Variants in MALRD1 observed in about 807,000 individuals in gnomAD.
MALRD1 encodes the protein MAM and LDL-receptor class A domain-containing protein 1.
MALRD1 carries 247 observed loss-of-function variants against 242.1 expected under a neutral mutation model. That is an observed-to-expected ratio of 1.02 (90% CI 0.92 to 1.13). MALRD1 has a LOEUF of 1.13. MALRD1 is among the 50% of genes most tolerant of loss of function. MALRD1 has a pLI of 0.00. For missense variants in MALRD1, 2,989 were observed against 2,533.1 expected (o/e 1.18, Z -3.86); for synonymous variants, 995 against 866.6 (o/e 1.15, Z -2.60).
intron 29 of MALRD1, among the ~76,000 whole-genome samples, chr10:19,458,786 A>C (rs1217667577): frequency 6.6e-6 from 1 of 152,106 alleles, no homozygotes; most frequent in African/African-American, 2.4e-5. Context: ...TTGCATGTTA[A>C]AAGGGGCCTT....
At chr10:19,151,539 T>G (rs1833943513) in intron 11 of MALRD1, among the ~76,000 whole-genome samples, 1 of 152,130 alleles carries the variant, frequency 6.6e-6, no homozygotes. Flanking sequence ...TTGTTTTATG[T>G]ACTGGACAGA....
At chr10:19,616,136 T>G in intron 36 of MALRD1, among the ~76,000 whole-genome samples, 1 of 152,020 alleles carries the variant, frequency 6.6e-6, no homozygotes, top group East Asian at 1.9e-4. Context: ...ATTGTGCATG[T>G]TTTTCAACAT....
At chr10:19,225,660 G>T (rs1055767341) in intron 18 of MALRD1, among the ~76,000 whole-genome samples, 1 of 151,970 alleles carries the variant, frequency 6.6e-6, no homozygotes, top group African/African-American at 2.4e-5. Flanking sequence ...TACACCCACC[G>T]TTTCCCTGAC....
intron 36 of MALRD1, among the ~76,000 whole-genome samples, chr10:19,620,291 G>C (rs1839343641): frequency 6.6e-6 from 1 of 151,912 alleles, no homozygotes; most frequent in Non-Finnish European, 1.5e-5. Context: ...TACCCAATAG[G>C]TAGTAGTTTT....
At chr10:19,263,887 T>C (rs1200169947) in intron 19 of MALRD1, among the ~76,000 whole-genome samples, 1 of 152,186 alleles carries the variant, frequency 6.6e-6, no homozygotes, top group Non-Finnish European at 1.5e-5. Flanking sequence ...AGTTTTTTTC[T>C]TCTTGTTCAA....
intron 6 of MALRD1, 87 bp downstream of exon 6, chr10:19,123,680 C>T (rs1316295947): frequency 2.9e-6 from 2 of 684,788 alleles, no homozygotes; most frequent in African/African-American, 3.7e-5. Context: ...CACGCGCCAA[C>T]CTTTGTTGAC....
chr10:19,572,533 C>T (rs1453032442), intron 33 of MALRD1, among the ~76,000 whole-genome samples: 2 of 152,016 alleles, frequency 1.3e-5, no homozygotes, highest in Non-Finnish European at 2.9e-5. Flanking sequence ...GGAGATTGCA[C>T]CATAGCTAGG....
chr10:19,124,934 G>GTTTT (rs1837200858), intron 7 of MALRD1, among the ~76,000 whole-genome samples: 1 of 58,236 alleles, frequency 1.7e-5, no homozygotes, highest in African/African-American at 5.4e-5. Context: ...GTATTAAAAG[G>GTTTT]CTTTTTTTTT....
chr10:19,397,391 A>G (rs1017973861), intron 28 of MALRD1, among the ~76,000 whole-genome samples: 1 of 152,142 alleles, frequency 6.6e-6, no homozygotes, highest in Non-Finnish European at 1.5e-5. Flanking sequence ...CTCCAGCCTT[A>G]TCAATGTTAT....
chr10:19,734,084 G>A, intron 39 of MALRD1, 73 bp from the exon 40 acceptor site: 2 of 1,191,842 alleles, frequency 1.7e-6, no homozygotes, highest in Non-Finnish European at 2.4e-6. Context: ...GCTGCATTCT[G>A]CGTGATCTTT....
At chr10:19,417,271 C>G (rs1227619639) in intron 28 of MALRD1, among the ~76,000 whole-genome samples, 1 of 152,146 alleles carries the variant, frequency 6.6e-6, no homozygotes, top group African/African-American at 2.4e-5. Flanking sequence ...TCCTATCAAA[C>G]TGCCTAATCA....
At chr10:19,187,331 G>T (rs930677171) in intron 14 of MALRD1, among the ~76,000 whole-genome samples, 1 of 152,160 alleles carries the variant, frequency 6.6e-6, no homozygotes, top group Non-Finnish European at 1.5e-5. Flanking sequence ...GGCAATGGGG[G>T]AAGGCAAGGG....
At chr10:19,527,486 A>G (rs946032990) in intron 31 of MALRD1, among the ~76,000 whole-genome samples, 5 of 152,324 alleles carry the variant, frequency 3.3e-5, no homozygotes, top group Middle Eastern at 3.4e-3. Flanking sequence ...CCTAATTACT[A>G]ATTTACCTAC....
intron 35 of MALRD1, among the ~76,000 whole-genome samples, chr10:19,608,271 T>A (rs892607844): frequency 6.6e-6 from 1 of 152,068 alleles, no homozygotes; most frequent in Admixed American, 6.6e-5. Context: ...TAAATTGTGG[T>A]CTTCCTTTGT....
At chr10:19,414,888 C>A (rs139233848) in intron 28 of MALRD1, among the ~76,000 whole-genome samples, 5 of 152,244 alleles carry the variant, frequency 3.3e-5, no homozygotes, top group Non-Finnish European at 7.4e-5. Context: ...CAACCCTTTA[C>A]TACAGGCCAA....
At chr10:19,672,557 G>A (rs1841971571) in intron 36 of MALRD1, among the ~76,000 whole-genome samples, 1 of 151,762 alleles carries the variant, frequency 6.6e-6, no homozygotes, top group South Asian at 2.1e-4. Context: ...CCGAGTAGCT[G>A]GTATTACAGG....
chr10:19,619,210 A>G (rs969841244), intron 36 of MALRD1, among the ~76,000 whole-genome samples: 5 of 151,810 alleles, frequency 3.3e-5, no homozygotes, highest in African/African-American at 9.7e-5. Flanking sequence ...TTGTTAACCT[A>G]TTTGCCCAGA....
chr10:19,285,370 G>A (rs1841056680), intron 21 of MALRD1, among the ~76,000 whole-genome samples: 1 of 144,504 alleles, frequency 6.9e-6, no homozygotes, highest in Admixed American at 7.0e-5. Flanking sequence ...TTCTTCTAGG[G>A]TTTTTATGGT....
At chr10:19,175,110 G>A (rs1312528757) in intron 13 of MALRD1, 98 bp from the exon 14 acceptor site, 5 of 847,926 alleles carry the variant, frequency 5.9e-6, no homozygotes, top group African/African-American at 1.8e-5. Flanking sequence ...TGGAGAATGG[G>A]ACAGATGTAA....
Sources: allele counts gnomAD v4.1 joint callset (sites outside exome capture counted in the v4.1 genomes callset), GRCh38; gene constraint gnomAD v4.1.1; transcripts MANE v1.5; gene names NCBI Gene and HGNC (gene_info 2026-07-23, HGNC 2026-07-21).